NAXD: variants seen among roughly 807,000 people sequenced by gnomAD.
NAXD encodes the protein NAD(P)HX dehydratase, also known as ATP-dependent (S)-NAD(P)H-hydrate dehydratase.
NAXD carries 22 observed loss-of-function variants against 35.8 expected under a neutral mutation model. The observed-to-expected ratio is 0.62, with a 90% confidence interval of 0.44 to 0.88. NAXD has a LOEUF of 0.88. Among genes scored for constraint, NAXD ranks in the 40% least tolerant of loss-of-function variants. NAXD has a pLI of 0.00. For missense variants in NAXD, 428 were observed against 437.7 expected (o/e 0.98, Z 0.20); for synonymous variants, 189 against 177.6 (o/e 1.06, Z -0.51).
rs1288440866 is a variant in NAXD at position 110,639,497 on chromosome 13, G to C, written c.*969G>C. 6.6e-6 allele frequency: 1 copy of C among 152,276 alleles called. No individual in the cohort carries two copies. Among genetic ancestry groups the C allele is most frequent in the South Asian group, 2.1e-4 (1 of 4,830 alleles). 9.4% of individuals were successfully genotyped at this position (152,276 alleles called of 1,614,324 possible). ...GTGTCCTTAGGGATGTTCGCGTCCA[G>C]TAAAGACACTGGTAACTGCGGTTTC... is the stretch of plus-strand genomic sequence containing the variant. On this transcript the variant is annotated 3_prime_UTR_variant, in exon 10 of 10. Transcript: ENST00000680254.
chr13:110,630,446 TTCC>T (rs369703740), intron 5 of NAXD, among the ~76,000 whole-genome samples: 1 of 152,238 alleles, frequency 6.6e-6, no homozygotes, highest in African/African-American at 2.4e-5. Context: ...TAGACACAGG[TTCC>T]TTATCAGAGA....
At chr13:110,618,349 T>G (rs2139625320) in intron 1 of NAXD, among the ~76,000 whole-genome samples, 1 of 152,234 alleles carries the variant, frequency 6.6e-6, no homozygotes, top group East Asian at 1.9e-4. Context: ...TCACAAAGTC[T>G]TAAGATTTCA....
intron 3 of NAXD, 143 bp downstream of exon 3, chr13:110,624,422 A>C (rs1382332477): frequency 3.3e-6 from 2 of 606,510 alleles, no homozygotes; most frequent in African/African-American, 1.9e-5. Flanking sequence ...CGTTAAGTCT[A>C]TCCTGACATC....
chr13:110,616,130 C>T, intron 1 of NAXD: 1 of 273,834 alleles, frequency 3.7e-6, no homozygotes, highest in Non-Finnish European at 6.8e-6. Context: ...CGCTCCCGGT[C>T]TGGGAAAGAT....
rs1470726833 is a variant in NAXD at position 110,639,551 on chromosome 13, C to T, written c.*1023C>T. 1 of 152,252 alleles carries T rather than the reference C, an allele frequency of 6.6e-6. No homozygotes were observed. The highest frequency in any genetic ancestry group is 1.5e-5 in the Non-Finnish European group (1 of 68,066). The allele number at this position is 152,252 out of a possible 1,614,324, so 9.4% of individuals were successfully genotyped here. On this transcript the variant is annotated 3_prime_UTR_variant, in exon 10 of 10. Transcript: ENST00000680254. Reference sequence around the variant, plus strand: ...CAACACTCTTCATGGCAGTGTCGACCTCGGGTTAGCTTCTGTTGTCTTTGT... The same window carrying T: ...CAACACTCTTCATGGCAGTGTCGACTTCGGGTTAGCTTCTGTTGTCTTTGT...
chr13:110,628,673 A>G lies in NAXD; in HGVS notation c.441+1126A>G, dbSNP rs577727875. ...CACGGGAGCCCGTCTTTGAGCTTTAAGGTCTTACCCGCTCACCGGGAAGGA... is the reference window on the plus strand; with the variant it reads ...CACGGGAGCCCGTCTTTGAGCTTTAGGGTCTTACCCGCTCACCGGGAAGGA... On this transcript the variant is annotated intron_variant, in intron 5 of 9. Coordinates refer to ENST00000680254, the MANE Select transcript of NAXD (RefSeq NM_001242882.2). The surrounding 1 kb of genome is among the most constrained non-coding windows in gnomAD (Gnocchi z 4.1). Among the ~76,000 whole-genome samples the G allele has an allele frequency of 6.6e-6, 1 of 152,162 alleles. No homozygotes were observed. Among genetic ancestry groups the G allele is most frequent in the African/African-American group, 2.4e-5 (1 of 41,508 alleles).
chr13:110,615,770 C>A, intron 1 of NAXD, 123 bp downstream of exon 1: 1 of 1,396,556 alleles, frequency 7.2e-7, no homozygotes, highest in Non-Finnish European at 9.3e-7. Flanking sequence ...CGCCACTGGA[C>A]GCAGGTACCC....
Position 110,615,747 on chromosome 13 carries a change from G to A in NAXD, c.46+100G>A. The A allele has an allele frequency of 2.0e-6, 3 of 1,472,350 alleles. 1 individual carries two copies. The South Asian group carries it at 4.0e-5, about 19-fold the overall frequency. 91.2% of individuals were successfully genotyped at this position (1,472,350 alleles called of 1,614,324 possible). On this transcript the variant is annotated intron_variant, in intron 1 of 9. Transcript: ENST00000680254. The stretch of plus-strand genomic sequence containing the variant: ...TGTCGCATTGCTCTCGGCCGCACTC[G>A]CGCTGTACGGGCCGCCACTGGACGC...
chr13:110,616,089 C>T, intron 1 of NAXD: 1 of 336,682 alleles, frequency 3.0e-6, no homozygotes. Flanking sequence ...CCGTGGTGCG[C>T]TGGTCGGATC....
chr13:110,632,854 C>T (rs986795008), intron 5 of NAXD, among the ~76,000 whole-genome samples: 2 of 130,104 alleles, frequency 1.5e-5, no homozygotes, highest in African/African-American at 5.0e-5. Context: ...CTGATTGGTG[C>T]ACTCACAAAC....
chr13:110,633,480 A>T (rs1041808152), intron 5 of NAXD, among the ~76,000 whole-genome samples: 4 of 152,236 alleles, frequency 2.6e-5, no homozygotes, highest in African/African-American at 9.6e-5. Context: ...GGGCTCCCAC[A>T]GTGCAGTGGT....
Position 110,634,791 on chromosome 13 carries a change from C to G in NAXD, c.597+15C>G. ...ATGACGCTGTGGTGAGTCAGTGGAC[C>G]CCCTGGAGGGTAGATGCAAGCCCTG... is the stretch of plus-strand genomic sequence containing the variant. On this transcript the variant is annotated intron_variant, in intron 7 of 9. Transcript: ENST00000680254. The G allele has an allele frequency of 6.3e-7, 1 of 1,593,186 alleles. No homozygotes were observed. The highest frequency in any genetic ancestry group is 8.6e-7 in the Non-Finnish European group (1 of 1,161,894).
chr13:110,627,024 TGTC>T (rs535166490), intron 4 of NAXD, among the ~76,000 whole-genome samples: 20 of 152,216 alleles, frequency 1.3e-4, no homozygotes, highest in Non-Finnish European at 2.2e-4. Context: ...TTTTCTAACT[TGTC>T]GTAACTGTTG....
chr13:110,636,314 G>T (rs1594185769), intron 8 of NAXD, among the ~76,000 whole-genome samples: 1 of 152,344 alleles, frequency 6.6e-6, no homozygotes, highest in Non-Finnish European at 1.5e-5. Context: ...TCTGTGGGCG[G>T]GTGTGTGCAC....
intron 5 of NAXD, among the ~76,000 whole-genome samples, chr13:110,631,361 ATG>A (rs895046187): frequency 3.3e-5 from 5 of 152,216 alleles, no homozygotes; most frequent in African/African-American, 1.2e-4. Context: ...TCCTGAATCT[ATG>A]TGTTTTGTGC....
chr13:110,625,013 G>A (rs963499710), intron 3 of NAXD, among the ~76,000 whole-genome samples, 177 bp from the exon 4 acceptor site: 1 of 152,220 alleles, frequency 6.6e-6, no homozygotes, highest in Admixed American at 6.5e-5. Flanking sequence ...TTCTTTTTAG[G>A]TATTGTGCTC....
Position 110,615,637 on chromosome 13 carries a change from T to C in NAXD, c.36T>C (p.Ala12=). The change falls in exon 1 of 10, where the codon GCT becomes GCC. Residue 12 remains alanine (A), a synonymous_variant. Transcript: ENST00000680254. ...GTCCTCGCTGTGGGGCAATCCGGGCTTGCAGACGAGGTAAGGTCGATTCCA... is the reference window on the plus strand; with the variant it reads ...GTCCTCGCTGTGGGGCAATCCGGGCCTGCAGACGAGGTAAGGTCGATTCCA... ...ALGPRCGAIR[A]CRRVLERAFS... The C allele has an allele frequency of 6.7e-7, 1 of 1,491,338 alleles. No individual in the cohort carries two copies. The highest frequency in any genetic ancestry group is 8.9e-7 in the Non-Finnish European group (1 of 1,125,586). The allele number at this position is 1,491,338 out of a possible 1,614,324, so 92.4% of individuals were successfully genotyped here. A position where few individuals can be genotyped will look rare whatever the true frequency, so the allele number is the denominator to read the frequency against.
chr13:110,625,898 T>C (rs1177187288), intron 4 of NAXD, among the ~76,000 whole-genome samples: 1 of 152,104 alleles, frequency 6.6e-6, no homozygotes, highest in Non-Finnish European at 1.5e-5. Flanking sequence ...GAGGAGGATG[T>C]CAGGTGGTGA....
At chr13:110,635,415 T>C (rs1224270596) in intron 7 of NAXD, 53 bp from the exon 8 acceptor site, 1 of 1,594,972 alleles carries the variant, frequency 6.3e-7, no homozygotes, top group Non-Finnish European at 8.6e-7. Context: ...CTATCTGTCG[T>C]CGTGTGTCTG....
Sources: allele counts gnomAD v4.1 joint callset (sites outside exome capture counted in the v4.1 genomes callset), GRCh38; gene constraint gnomAD v4.1.1; non-coding constraint Gnocchi (gnomAD v3.1); transcripts MANE v1.5; gene names NCBI Gene and HGNC (gene_info 2026-07-23, HGNC 2026-07-21).